Variants in NELL2 observed in about 807,000 individuals in gnomAD.
The protein encoded by NELL2 is protein kinase C-binding protein NELL2.
A neutral mutation model predicts 109.6 loss-of-function variants in NELL2; 41 were observed. That is an observed-to-expected ratio of 0.37 (90% confidence interval 0.29 to 0.49). The LOEUF is 0.49. Ranked by LOEUF, NELL2 falls within the 20% of genes least tolerant of loss-of-function variation. The pLI, the probability that NELL2 is intolerant of heterozygous loss-of-function variation, is 0.98. For missense variants in NELL2, 900 were observed against 1,008.3 expected (o/e 0.89, Z 1.45); for synonymous variants, 355 against 344.7 (o/e 1.03, Z -0.33).
chr12:44,715,804 A>G (rs779401703), intron 9 of NELL2, among the ~76,000 whole-genome samples: 18 of 152,188 alleles, frequency 1.2e-4, no homozygotes, highest in Non-Finnish European at 1.8e-4. Context: ...TATACAAATT[A>G]TATAAAGTGA....
chr12:44,810,362 C>A (rs1237082171), intron 3 of NELL2, among the ~76,000 whole-genome samples: 1 of 152,060 alleles, frequency 6.6e-6, no homozygotes, highest in Non-Finnish European at 1.5e-5. Flanking sequence ...GAGAAAGCTG[C>A]ATTCCACAGC....
intron 2 of NELL2, among the ~76,000 whole-genome samples, chr12:44,855,441 C>A (rs1944656228): frequency 6.6e-6 from 1 of 152,174 alleles, no homozygotes; most frequent in African/African-American, 2.4e-5. Flanking sequence ...ACATGACTGT[C>A]CTTCCAAAAT....
At chr12:44,563,201 A>C (rs920580134) in intron 15 of NELL2, among the ~76,000 whole-genome samples, 3 of 152,106 alleles carry the variant, frequency 2.0e-5, no homozygotes, top group Non-Finnish European at 2.9e-5. Context: ...CATTAGGAGA[A>C]ATACCTAATG....
At chr12:44,660,298 T>G in intron 13 of NELL2, among the ~76,000 whole-genome samples, 1 of 152,334 alleles carries the variant, frequency 6.6e-6, no homozygotes, top group Admixed American at 6.5e-5. Context: ...TTTTGGGCCA[T>G]GTAAATCTTT....
chr12:44,858,516 AAAG>A (rs1462293040), intron 2 of NELL2, among the ~76,000 whole-genome samples: 2 of 152,212 alleles, frequency 1.3e-5, no homozygotes, highest in East Asian at 3.8e-4. Flanking sequence ...TGGCCACATG[AAAG>A]AAGGAGAAGC....
chr12:44,828,241 C>A (rs1365942115), intron 2 of NELL2, among the ~76,000 whole-genome samples: 1 of 152,080 alleles, frequency 6.6e-6, no homozygotes, highest in African/African-American at 2.4e-5. Context: ...GGGTAGTTTG[C>A]AAATGTTTTC....
chr12:44,824,930 T>C (rs1943661304), intron 2 of NELL2, among the ~76,000 whole-genome samples: 1 of 152,012 alleles, frequency 6.6e-6, no homozygotes, highest in Admixed American at 6.5e-5. Flanking sequence ...CAGGATGGTC[T>C]CAATCTCCTG....
intron 9 of NELL2, among the ~76,000 whole-genome samples, chr12:44,750,321 T>C (rs1211570008): frequency 6.6e-6 from 1 of 152,162 alleles, no homozygotes; most frequent in Non-Finnish European, 1.5e-5. Flanking sequence ...GGTACATTCT[T>C]TTAAAATTAC....
chr12:44,724,083 C>T (rs1592402728), intron 9 of NELL2, among the ~76,000 whole-genome samples: 1 of 151,652 alleles, frequency 6.6e-6, no homozygotes, highest in Admixed American at 6.6e-5. Flanking sequence ...TGAGATCATG[C>T]CCTTTGCAAA....
At position 44,754,353 on chromosome 12, in the gene NELL2, C is replaced by T. The variant is rs539390340; in HGVS notation, c.994+20394G>A. ...TTTACTCTATGGAAATATTAATAAT[C>T]CTATACTTAAAGGTAAAGCATGAGA... On this transcript the variant is annotated intron_variant, in intron 9 of 19. Transcript: ENST00000429094. 3.3e-5 allele frequency among the ~76,000 whole-genome samples: 5 copies of T among 152,210 alleles called. No individual in the cohort carries two copies. The East Asian group carries it at 9.6e-4, about 29-fold the overall frequency.
intron 9 of NELL2, among the ~76,000 whole-genome samples, chr12:44,766,725 G>C (rs1941350720): frequency 6.6e-6 from 1 of 152,114 alleles, no homozygotes; most frequent in Non-Finnish European, 1.5e-5. Flanking sequence ...ATACTAAGAA[G>C]GAGGACTAGC....
At chr12:44,822,534 G>A (rs905181178) in intron 2 of NELL2, among the ~76,000 whole-genome samples, 6 of 152,262 alleles carry the variant, frequency 3.9e-5, no homozygotes, top group African/African-American at 1.2e-4. Context: ...TCTGAAGCAG[G>A]GACAAAGATC....
chr12:44,720,122 C>A (rs1227933288), intron 9 of NELL2, among the ~76,000 whole-genome samples: 2 of 152,122 alleles, frequency 1.3e-5, no homozygotes, highest in Non-Finnish European at 2.9e-5. Flanking sequence ...AAATTAATCT[C>A]TCTCTCTTCT....
intron 2 of NELL2, among the ~76,000 whole-genome samples, chr12:44,856,692 A>G (rs1448089152): frequency 7.9e-5 from 12 of 152,204 alleles, no homozygotes; most frequent in Admixed American, 7.2e-4. Context: ...TAAGCAAGAA[A>G]GAGAGAAGCA....
At chr12:44,885,515 T>TA (rs1566592703) in intron 1 of NELL2, among the ~76,000 whole-genome samples, 1 of 151,672 alleles carries the variant, frequency 6.6e-6, no homozygotes, top group Admixed American at 6.6e-5. Context: ...AAATACAATT[T>TA]AAAAAATATA....
At chr12:44,808,800 AT>A (rs1943084241) in intron 3 of NELL2, among the ~76,000 whole-genome samples, 1 of 152,008 alleles carries the variant, frequency 6.6e-6, no homozygotes, top group Admixed American at 6.6e-5. Flanking sequence ...ATGAAGACAC[AT>A]TTTTTCAGCC....
chr12:44,723,827 G>A (rs549693633), intron 9 of NELL2, among the ~76,000 whole-genome samples: 4 of 152,162 alleles, frequency 2.6e-5, no homozygotes, highest in Non-Finnish European at 4.4e-5. Flanking sequence ...ATGGAAAGCC[G>A]TTTGTAGAGT....
At chr12:44,693,321 C>T (rs534938390) in intron 12 of NELL2, among the ~76,000 whole-genome samples, 107 of 152,270 alleles carry the variant, frequency 7.0e-4, no homozygotes, top group African/African-American at 2.5e-3. Context: ...TGACATTGCA[C>T]ACTTAGACTA....
At chr12:44,585,777 G>C (rs1303101224) in intron 15 of NELL2, among the ~76,000 whole-genome samples, 1 of 151,722 alleles carries the variant, frequency 6.6e-6, no homozygotes, top group Non-Finnish European at 1.5e-5. Flanking sequence ...CATTTTTGGT[G>C]GTCATAATGG....
Sources: allele counts gnomAD v4.1 joint callset (sites outside exome capture counted in the v4.1 genomes callset), GRCh38; gene constraint gnomAD v4.1.1; transcripts MANE v1.5; gene names NCBI Gene and HGNC (gene_info 2026-07-23, HGNC 2026-07-21).